CNTNAP4: variants seen among roughly 807,000 people sequenced by gnomAD.
CNTNAP4 encodes the protein contactin associated protein family member 4.
CNTNAP4 carries 98 observed loss-of-function variants against 148.4 expected under a neutral mutation model. The observed-to-expected ratio is 0.66, with a 90% CI of 0.56 to 0.78. CNTNAP4 has a LOEUF of 0.78. CNTNAP4 is among the 30% of genes least tolerant of loss of function. The pLI is 0.00. For synonymous variants in CNTNAP4, 730 were observed against 565.1 expected (o/e 1.29, Z -4.14); for missense variants, 1,935 against 1,565.6 (o/e 1.24, Z -3.98).
Position 76,316,464 on chromosome 16 carries a change from G to C in CNTNAP4, c.137G>C (p.Ser46Thr). ...VSALPQASFS[S>T]SSELSSSHGP... ...GCCTTGCCTCAGGCATCCTTCAGCA[G>C]TTCTTCCGAGCTCTCCAGCAGTCAT... Residue 46 changes from serine (S) to threonine (T), a missense_variant, in exon 2 of 24, where the codon AGT becomes ACT. By Grantham distance (58) the Ser-to-Thr change is moderately conservative. Coordinates refer to ENST00000611870, the MANE Select transcript of CNTNAP4 (RefSeq NM_033401.5). The C allele has an allele frequency of 1.2e-6, 2 of 1,613,904 alleles. No homozygotes were observed. The highest frequency in any genetic ancestry group is 1.7e-6 in the Non-Finnish European group (2 of 1,179,850).
chr16:76,460,773 A>AAAAAAAAAAAAAAAATATATATAT, intron 8 of CNTNAP4, among the ~76,000 whole-genome samples: 1 of 57,324 alleles, frequency 1.7e-5, no homozygotes, highest in Admixed American at 2.4e-4. Flanking sequence ...AAAAAAAAAA[A>AAAAAAAAAAAAAAAATATATATAT]ATATATATAT....
intron 17 of CNTNAP4, among the ~76,000 whole-genome samples, chr16:76,522,670 C>CT (rs1201501081): frequency 0.088 from 7,904 of 89,946 alleles, 1,346 homozygotes; most frequent in Non-Finnish European, 0.11. Flanking sequence ...CTCTTTCCTT[C>CT]TTTCTCTCTT....
At chr16:76,489,572 A>G (rs145468412) in intron 12 of CNTNAP4, 114 bp from the exon 13 acceptor site, 2 of 525,186 alleles carry the variant, frequency 3.8e-6, no homozygotes, top group Admixed American at 4.0e-5. Context: ...GGGAAGTTTG[A>G]TGACTAGAAA....
chr16:76,373,759 G>C (rs866006145), intron 3 of CNTNAP4, among the ~76,000 whole-genome samples: 2 of 151,926 alleles, frequency 1.3e-5, no homozygotes, highest in African/African-American at 4.8e-5. Flanking sequence ...GCCAGGCATG[G>C]TGGCAGGCGC....
At chr16:76,415,359 G>T (rs961582482) in intron 3 of CNTNAP4, among the ~76,000 whole-genome samples, 6 of 150,824 alleles carry the variant, frequency 4.0e-5, no homozygotes, top group African/African-American at 1.5e-4. Context: ...TTTTTAAATA[G>T]AACTTAAAAT....
intron 1 of CNTNAP4, among the ~76,000 whole-genome samples, chr16:76,291,649 T>C (rs1959120933): frequency 6.6e-6 from 1 of 152,208 alleles, no homozygotes; most frequent in Non-Finnish European, 1.5e-5. Flanking sequence ...AATCAGTAAA[T>C]CTCAGTACAC....
chr16:76,306,262 C>G (rs1163772485), intron 1 of CNTNAP4, among the ~76,000 whole-genome samples: 1 of 152,150 alleles, frequency 6.6e-6, no homozygotes, highest in Non-Finnish European at 1.5e-5. Context: ...TGAACCCATC[C>G]TTCTTAATAA....
chr16:76,551,317 G>A (rs2084942634), intron 21 of CNTNAP4, among the ~76,000 whole-genome samples: 1 of 151,750 alleles, frequency 6.6e-6, no homozygotes, highest in Non-Finnish European at 1.5e-5. Flanking sequence ...AGAATTACTT[G>A]AGCCTGGGAG....
chr16:76,417,384 T>G (rs2079027967), intron 3 of CNTNAP4, among the ~76,000 whole-genome samples: 1 of 151,476 alleles, frequency 6.6e-6, no homozygotes, highest in South Asian at 2.1e-4. Context: ...AAATTGTCAG[T>G]GGCTGCCTTA....
chr16:76,393,481 G>A (rs928807104), intron 3 of CNTNAP4, among the ~76,000 whole-genome samples: 1 of 152,120 alleles, frequency 6.6e-6, no homozygotes, highest in Non-Finnish European at 1.5e-5. Flanking sequence ...CATTTATGAT[G>A]TGTTGCTGAG....
chr16:76,544,449 A>T (rs954285981), intron 21 of CNTNAP4, among the ~76,000 whole-genome samples: 1 of 152,162 alleles, frequency 6.6e-6, no homozygotes, highest in Non-Finnish European at 1.5e-5. Flanking sequence ...TTTAAGAAAC[A>T]GTATCAAACT....
chr16:76,338,232 G>C (rs747924662), intron 2 of CNTNAP4, among the ~76,000 whole-genome samples: 7 of 152,170 alleles, frequency 4.6e-5, no homozygotes, highest in Non-Finnish European at 8.8e-5. Context: ...TTTGGGAGCT[G>C]ATAGATGTCC....
At chr16:76,480,727 A>G (rs34630597) in intron 12 of CNTNAP4, among the ~76,000 whole-genome samples, 18,311 of 151,966 alleles carry the variant, frequency 0.12, 1,266 homozygotes, top group South Asian at 0.2. Context: ...ACAGAGTGAG[A>G]CTCTGTCTCA....
intron 1 of CNTNAP4, among the ~76,000 whole-genome samples, chr16:76,311,294 A>G (rs930408344): frequency 2.0e-5 from 3 of 152,128 alleles, no homozygotes; most frequent in East Asian, 3.9e-4. Flanking sequence ...GAAGGAGGCT[A>G]TTGAGTTTTT....
Position 76,407,904 on chromosome 16 carries a change from G to C in CNTNAP4, c.391-19548G>C, listed in dbSNP as rs62051214. 3.3e-5 allele frequency among the ~76,000 whole-genome samples: 5 copies of C among 151,844 alleles called. No homozygotes were observed. In the East Asian group the frequency reaches 9.7e-4, roughly 29 times the overall value. ...GTCTTTCATGAAAGGAAGAATTAAT[G>C]TGGCAAACTTCATTGTTTTTTTAAA... On this transcript the variant is annotated intron_variant, in intron 3 of 23. Transcript: ENST00000611870.
chr16:76,356,318 C>T (rs1307167038), intron 3 of CNTNAP4, among the ~76,000 whole-genome samples: 1 of 151,806 alleles, frequency 6.6e-6, no homozygotes, highest in East Asian at 1.9e-4. Flanking sequence ...TATGTATATG[C>T]ATACACATGT....
intron 21 of CNTNAP4, among the ~76,000 whole-genome samples, chr16:76,547,815 A>C (rs2084799814): frequency 6.6e-6 from 1 of 152,204 alleles, no homozygotes; most frequent in Non-Finnish European, 1.5e-5. Flanking sequence ...TGTAAATAAA[A>C]TGTGTGGTCT....
chr16:76,278,621 A>G (rs911899427), intron 1 of CNTNAP4, among the ~76,000 whole-genome samples: 1 of 152,188 alleles, frequency 6.6e-6, no homozygotes, highest in Non-Finnish European at 1.5e-5. Flanking sequence ...TCCCCTCCTG[A>G]TTAATGACAA....
At chr16:76,464,912 G>T (rs1288501728) in intron 9 of CNTNAP4, among the ~76,000 whole-genome samples, 1 of 152,116 alleles carries the variant, frequency 6.6e-6, no homozygotes, top group Non-Finnish European at 1.5e-5. Context: ...TTTAAATTTA[G>T]ATTCTCTAGA....
Sources: allele counts gnomAD v4.1 joint callset (sites outside exome capture counted in the v4.1 genomes callset), GRCh38; gene constraint gnomAD v4.1.1; transcripts MANE v1.5; gene names NCBI Gene and HGNC (gene_info 2026-07-23, HGNC 2026-07-21).